The following ATP8A1 variants were observed in gnomAD, a reference collection of about 807,000 sequenced individuals.
ATP8A1 encodes the protein phospholipid-transporting ATPase IA.
ATP8A1 carries 90 observed loss-of-function variants against 177.7 expected under a neutral mutation model. The ratio of observed to expected loss-of-function variants is 0.51; its 90% CI spans 0.43 to 0.60. The LOEUF (loss-of-function observed/expected upper bound fraction) is 0.60, where lower values mean the gene tolerates loss of function less well. Among genes scored for constraint, ATP8A1 ranks in the 20% least tolerant of loss-of-function variants. The pLI is 0.00. For missense variants in ATP8A1, 1,072 were observed against 1,392.8 expected (o/e 0.77, Z 3.67); for synonymous variants, 493 against 485.9 (o/e 1.01, Z -0.19).
chr4:42,639,475 G>C (rs1057162526), intron 1 of ATP8A1, among the ~76,000 whole-genome samples: 1 of 152,050 alleles, frequency 6.6e-6, no homozygotes. Context: ...TGCTTCAATC[G>C]TCTATCAAGG....
chr4:42,553,463 G>T (rs1729715898), intron 16 of ATP8A1, among the ~76,000 whole-genome samples: 1 of 152,148 alleles, frequency 6.6e-6, no homozygotes, highest in Non-Finnish European at 1.5e-5. Flanking sequence ...GACTCTTACA[G>T]CCTGAGAAGA....
chr4:42,602,001 T>G (rs202155283), intron 5 of ATP8A1, among the ~76,000 whole-genome samples: 1 of 77,400 alleles, frequency 1.3e-5, no homozygotes, highest in East Asian at 7.1e-4. Flanking sequence ...TAGCCATTTT[T>G]TTTTTATTAC....
chr4:42,581,949 C>G (rs1383739839), intron 9 of ATP8A1, among the ~76,000 whole-genome samples: 1 of 152,116 alleles, frequency 6.6e-6, no homozygotes, highest in African/African-American at 2.4e-5. Flanking sequence ...TTTTCTGTAA[C>G]TTCACTATCT....
intron 1 of ATP8A1, among the ~76,000 whole-genome samples, chr4:42,632,380 AT>A (rs1477547879): frequency 3.3e-5 from 5 of 152,112 alleles, no homozygotes; most frequent in African/African-American, 1.2e-4. Flanking sequence ...CAGAAAAGCA[AT>A]TTTGTTTTCT....
At chr4:42,461,096 T>C (rs1719078038) in intron 27 of ATP8A1, among the ~76,000 whole-genome samples, 1 of 152,204 alleles carries the variant, frequency 6.6e-6, no homozygotes, top group Non-Finnish European at 1.5e-5. Flanking sequence ...TGAGACGTGG[T>C]ATAAATGTAA....
At chr4:42,473,259 C>T (rs1720658862) in intron 25 of ATP8A1, among the ~76,000 whole-genome samples, 1 of 152,234 alleles carries the variant, frequency 6.6e-6, no homozygotes, top group South Asian at 2.1e-4. Context: ...TTTCTTCTGC[C>T]CCCAAGAGTT....
intron 4 of ATP8A1, among the ~76,000 whole-genome samples, chr4:42,619,145 G>A (rs1427675758): frequency 6.6e-6 from 1 of 151,930 alleles, no homozygotes; most frequent in Non-Finnish European, 1.5e-5. Flanking sequence ...TGCCTCCAGG[G>A]TTCAAGCCAT....
intron 1 of ATP8A1, among the ~76,000 whole-genome samples, chr4:42,641,898 C>T (rs1469178095): frequency 6.6e-6 from 1 of 152,170 alleles, no homozygotes; most frequent in Non-Finnish European, 1.5e-5. Flanking sequence ...TATGCTGCTA[C>T]ATTAATCTCA....
At chr4:42,635,782 C>CACACATATATATATATATATATATAT (rs1553920597) in intron 1 of ATP8A1, among the ~76,000 whole-genome samples, 1 of 51,986 alleles carries the variant, frequency 1.9e-5, no homozygotes, top group Non-Finnish European at 4.2e-5. Flanking sequence ...CACACACACA[C>CACACATATATATATATATATATATAT]ATATATATAT....
chr4:42,519,746 A>C (rs933042369), intron 22 of ATP8A1, among the ~76,000 whole-genome samples: 5 of 152,158 alleles, frequency 3.3e-5, no homozygotes, highest in African/African-American at 1.2e-4. Flanking sequence ...CCAATCTCTT[A>C]ATCTTTCCGG....
At chr4:42,465,577 CTTCA>C (rs1461517872) in intron 25 of ATP8A1, among the ~76,000 whole-genome samples, 1 of 152,198 alleles carries the variant, frequency 6.6e-6, no homozygotes, top group Non-Finnish European at 1.5e-5. Context: ...AGTTCATGGG[CTTCA>C]TTTTCTTCCA....
chr4:42,457,508 A>G (rs1424310417), intron 27 of ATP8A1, among the ~76,000 whole-genome samples: 1 of 152,240 alleles, frequency 6.6e-6, no homozygotes, highest in Non-Finnish European at 1.5e-5. Context: ...ATGAAGACAC[A>G]GTCTAACCTT....
In ATP8A1 at chr4:42,607,204, G is replaced by C. The variant is rs549497364; in HGVS notation, c.410-6686C>G. Among the ~76,000 whole-genome samples the C allele has an allele frequency of 8.5e-5, 13 of 152,254 alleles. No homozygotes were observed. The East Asian group carries it at 2.5e-3, about 29-fold the overall frequency. On this transcript the variant is annotated intron_variant, in intron 5 of 36. Transcript: ENST00000381668. ...ACTTCTACCCCATCCCCCATTTACT[G>C]TGTTCTTGAAATACAAAACCAGAAT...
At chr4:42,414,051 A>G (rs1472704077) in intron 36 of ATP8A1, among the ~76,000 whole-genome samples, 1 of 150,770 alleles carries the variant, frequency 6.6e-6, no homozygotes, top group Admixed American at 6.7e-5. Flanking sequence ...GAGCAAAAGC[A>G]TTAGACATGA....
At chr4:42,474,198 C>A (rs1427198292) in intron 25 of ATP8A1, among the ~76,000 whole-genome samples, 3 of 152,114 alleles carry the variant, frequency 2.0e-5, no homozygotes, top group Non-Finnish European at 2.9e-5. Context: ...TCAAGAGAAA[C>A]CTTTGGGGCG....
chr4:42,580,099 G>A (rs934650282), intron 10 of ATP8A1, 121 bp from the exon 11 acceptor site: 4 of 680,514 alleles, frequency 5.9e-6, no homozygotes, highest in Admixed American at 3.9e-5. Flanking sequence ...GTGGATACGT[G>A]AAAATTATGT....
chr4:42,486,483 T>C (rs1478058868), intron 24 of ATP8A1, among the ~76,000 whole-genome samples: 2 of 152,204 alleles, frequency 1.3e-5, no homozygotes, highest in Non-Finnish European at 2.9e-5. Flanking sequence ...TTACTATTTA[T>C]TCCTAATTAG....
chr4:42,645,815 A>T (rs1028917577), intron 1 of ATP8A1, among the ~76,000 whole-genome samples: 1 of 152,170 alleles, frequency 6.6e-6, no homozygotes, highest in Non-Finnish European at 1.5e-5. Flanking sequence ...TATCACAACC[A>T]TTCTGGCATA....
At chr4:42,476,770 G>C (rs571999148) in intron 25 of ATP8A1, among the ~76,000 whole-genome samples, 1 of 152,038 alleles carries the variant, frequency 6.6e-6, no homozygotes, top group Non-Finnish European at 1.5e-5. Context: ...ATTAAGAAGG[G>C]AGCCAGCCTA....
Sources: gnomAD v4.1 joint callset for allele counts (sites outside exome capture counted in the v4.1 genomes callset) on GRCh38, gnomAD v4.1.1 for gene constraint, MANE v1.5 for transcripts, NCBI Gene and HGNC (gene_info 2026-07-23, HGNC 2026-07-21) for gene names.